Variants in CES5A observed in about 807,000 individuals in gnomAD.
CES5A encodes the protein carboxylesterase 5A.
Under a neutral mutation model 62.9 loss-of-function variants are expected in CES5A, and 67 were observed. That is an observed-to-expected ratio of 1.07 (90% CI 0.88 to 1.31). The LOEUF (loss-of-function observed/expected upper bound fraction) is 1.31, where lower values mean the gene tolerates loss of function less well. Among genes scored for constraint, CES5A ranks in the 50% most tolerant of loss-of-function variants. The pLI is 0.00. For missense variants in CES5A, 748 were observed against 708.5 expected, an observed-to-expected ratio of 1.06 and a Z score of -0.63; for synonymous variants, 296 against 280.8, an observed-to-expected ratio of 1.05 and a Z score of -0.54.
At chr16:55,939,091 C>G (rs1039313967) in intron 2 of CES5A, among the ~76,000 whole-genome samples, 2 of 151,842 alleles carry the variant, frequency 1.3e-5, no homozygotes, top group African/African-American at 2.4e-5. Flanking sequence ...TCAATGTGCC[C>G]TTTTACTCTC....
intron 2 of CES5A, among the ~76,000 whole-genome samples, chr16:55,939,719 AT>A (rs1567362888): frequency 6.6e-6 from 1 of 152,214 alleles, no homozygotes; most frequent in Admixed American, 6.5e-5. Context: ...GCAACATTCA[AT>A]TTTTTTCAAG....
chr16:55,916,293 G>T (rs535397073), intron 1 of CES5A, among the ~76,000 whole-genome samples: 7 of 152,262 alleles, frequency 4.6e-5, no homozygotes, highest in African/African-American at 1.4e-4. Flanking sequence ...GACTGGTAAT[G>T]GTTTATGTCT....
chr16:55,848,639 C>G (rs2033066122), intron 11 of CES5A, among the ~76,000 whole-genome samples: 1 of 152,116 alleles, frequency 6.6e-6, no homozygotes, highest in Non-Finnish European at 1.5e-5. Flanking sequence ...CGTGAACTAT[C>G]TGTTTCTATC....
intron 1 of CES5A, among the ~76,000 whole-genome samples, chr16:55,905,521 C>A (rs1322780341): frequency 6.6e-6 from 1 of 152,098 alleles, no homozygotes; most frequent in South Asian, 2.1e-4. Context: ...CATGTACCAC[C>A]ATGCCCGGCT....
rs191647273 is a variant in CES5A, at chr16:55,954,321, A to G, written c.42+1523T>C. On this transcript the variant is annotated intron_variant, in intron 1 of 13. Transcript: ENST00000521992. ...CTTTTCCAGAAGCAGAATGCATTGC[A>G]TGCATTGGAAGCAAAGGGAAGGCAG... Among the ~76,000 whole-genome samples, 4 of 152,332 alleles carry G rather than the reference A, an allele frequency of 2.6e-5. No homozygotes were observed. In the East Asian group the frequency reaches 7.7e-4, roughly 29 times the overall value.
chr16:55,953,699 T>G (rs1420818149), intron 1 of CES5A, among the ~76,000 whole-genome samples: 1 of 152,182 alleles, frequency 6.6e-6, no homozygotes, highest in African/African-American at 2.4e-5. Context: ...GTTTTGCTTT[T>G]TAGTTTTTCT....
In CES5A at chr16:55,871,878, A is replaced by G. The variant is rs138909689; in HGVS notation, c.279-115T>C. Reference sequence around the variant, plus strand: ...GCCGTCTCCTCTGCCTGAGCAGAAGAGGCAGCTACCGGTACAAAGTCCAAT... The same window carrying G: ...GCCGTCTCCTCTGCCTGAGCAGAAGGGGCAGCTACCGGTACAAAGTCCAAT... On this transcript the variant is annotated intron_variant, in intron 2 of 12. Transcript: ENST00000290567. 1,197 of 1,083,790 alleles carry G rather than the reference A, an allele frequency of 1.1e-3. 25 individuals carry two copies. The East Asian group carries it at 0.03, about 27-fold the overall frequency. The allele number at this position is 1,083,790 out of a possible 1,614,324, so 67.1% of individuals were successfully genotyped here.
chr16:55,873,969 GCA>G lies in CES5A; in HGVS notation c.140_141del (p.Val47AlafsTer36), dbSNP rs1297302263. 1 of 1,613,068 alleles carries G rather than the reference GCA, an allele frequency of 6.2e-7. No homozygotes were observed. Among genetic ancestry groups the G allele is most frequent in the Non-Finnish European group, 8.5e-7 (1 of 1,179,788 alleles). Reference sequence around the variant, plus strand: ...ACGTTCACAGGCACAGGGCTTCCCAGCACAGTGACTTGCTTGCCCTGAATCCA... The same window carrying G: ...ACGTTCACAGGCACAGGGCTTCCCAGCAGTGACTTGCTTGCCCTGAATCCA... ...LGWIQGKQVT[V>X]LGSPVPVNVF... On this transcript the variant is annotated frameshift_variant, in exon 2 of 13. Coordinates refer to ENST00000290567, the MANE Select transcript of CES5A (RefSeq NM_001143685.2). LOFTEE classifies it high-confidence loss of function.
chr16:55,937,206 C>G (rs1186121816), intron 2 of CES5A, among the ~76,000 whole-genome samples: 2 of 152,218 alleles, frequency 1.3e-5, no homozygotes, highest in Non-Finnish European at 2.9e-5. Context: ...CCCCTTCCCC[C>G]AGCAGAGCTG....
rs1419380274 is a variant in CES5A, at chr16:55,875,350, A to G, written c.-129T>C. 2.0e-6 allele frequency: 3 copies of G among 1,478,052 alleles called. No homozygotes were observed. Among genetic ancestry groups the G allele is most frequent in the Non-Finnish European group, 2.7e-6 (3 of 1,118,514 alleles). 91.6% of individuals were successfully genotyped at this position (1,478,052 alleles called of 1,614,324 possible). A position where few individuals can be genotyped will look rare whatever the true frequency, so the allele number is the denominator to read the frequency against. On this transcript the variant is annotated 5_prime_UTR_variant, in exon 1 of 13. Transcript: ENST00000290567. The stretch of plus-strand genomic sequence containing the variant: ...ATAGGCAGGCAGAGGCAGCAGAGTT[A>G]CTGAAGATCAGCATCAGAACAATAT...
At chr16:55,937,186 C>G (rs186795862) in intron 2 of CES5A, among the ~76,000 whole-genome samples, 133 of 152,268 alleles carry the variant, frequency 8.7e-4, no homozygotes, top group Middle Eastern at 3.4e-3. Flanking sequence ...TTTAGTAAAG[C>G]CTTCTCTAAC....
At chr16:55,916,660 C>T (rs1283907063) in intron 1 of CES5A, among the ~76,000 whole-genome samples, 1 of 152,236 alleles carries the variant, frequency 6.6e-6, no homozygotes, top group Non-Finnish European at 1.5e-5. Flanking sequence ...CAGCCCTAAC[C>T]TCTGTCTTCC....
Position 55,944,873 on chromosome 16 carries a change from G to T in CES5A, c.160+4912C>A, listed in dbSNP as rs2034478165. Among the ~76,000 whole-genome samples, 4 of 152,236 alleles carry T rather than the reference G, an allele frequency of 2.6e-5. No homozygotes were observed. The South Asian group carries it at 6.2e-4, about 24-fold the overall frequency. On this transcript the variant is annotated intron_variant, in intron 2 of 13. Transcript: ENST00000521992. ...GGCACTTAATGATATCTACTTGTGT[G>T]CAAAGGCCTACACCAGGGCCCATGC...
At chr16:55,868,525 C>T (rs1375914413) in intron 4 of CES5A, among the ~76,000 whole-genome samples, 2 of 152,244 alleles carry the variant, frequency 1.3e-5, no homozygotes, top group African/African-American at 4.8e-5. Flanking sequence ...TTGCAACTCC[C>T]TCCTCTGTTT....
At chr16:55,948,332 T>A (rs995632095) in intron 2 of CES5A, among the ~76,000 whole-genome samples, 1 of 152,160 alleles carries the variant, frequency 6.6e-6, no homozygotes. Context: ...ACATGTTTCA[T>A]GTGAAAAGGA....
chr16:55,901,249 G>C (rs1042870043), intron 1 of CES5A, among the ~76,000 whole-genome samples: 1 of 152,036 alleles, frequency 6.6e-6, no homozygotes, highest in Non-Finnish European at 1.5e-5. Context: ...CCATTTATTC[G>C]CCTTCTATCA....
chr16:55,940,956 T>TA (rs138356809), intron 2 of CES5A, among the ~76,000 whole-genome samples: 2,527 of 147,430 alleles, frequency 0.017, 86 homozygotes, highest in African/African-American at 0.058. Context: ...CAATTCATGA[T>TA]AAAAAAAAAA....
chr16:55,846,966 C>A, intron 11 of CES5A, 126 bp from the exon 12 acceptor site: 1 of 811,172 alleles, frequency 1.2e-6, no homozygotes, highest in Non-Finnish European at 2.1e-6. Flanking sequence ...TACCAAGTCA[C>A]TGTACCCATT....
chr16:55,919,631 C>T (rs947294887), intron 1 of CES5A, among the ~76,000 whole-genome samples: 2 of 152,182 alleles, frequency 1.3e-5, no homozygotes, highest in African/African-American at 4.8e-5. Context: ...GATGAAACAA[C>T]CTTTGTGAAT....
Sources: gnomAD v4.1 joint callset for allele counts (sites outside exome capture counted in the v4.1 genomes callset) on GRCh38, gnomAD v4.1.1 for gene constraint, MANE v1.5 for transcripts, NCBI Gene and HGNC (gene_info 2026-07-23, HGNC 2026-07-21) for gene names.